The following SHROOM3 variants were observed in gnomAD, a reference collection of about 807,000 sequenced individuals.
SHROOM3 encodes the protein protein Shroom3.
A neutral mutation model predicts 138.6 loss-of-function variants in SHROOM3; 47 were observed. That is an observed-to-expected ratio of 0.34 (90% CI 0.27 to 0.43). The LOEUF is 0.43. SHROOM3 is among the 20% of genes least tolerant of loss of function. The pLI, the probability that SHROOM3 is intolerant of heterozygous loss-of-function variation, is 1.00. For synonymous variants in SHROOM3, 1,062 were observed against 1,063.3 expected, an observed-to-expected ratio of 1.00 and a Z score of 0.02; for missense variants, 2,491 against 2,596.5, an observed-to-expected ratio of 0.96 and a Z score of 0.88.
intron 1 of SHROOM3, among the ~76,000 whole-genome samples, chr4:76,442,656 A>G (rs1730719143): frequency 6.6e-6 from 1 of 151,694 alleles, no homozygotes. Context: ...TGATCCGCCC[A>G]CCTCGGCCTC....
intron 9 of SHROOM3, among the ~76,000 whole-genome samples, chr4:76,762,217 AACTG>A (rs1156523704): frequency 1.3e-5 from 2 of 152,222 alleles, no homozygotes; most frequent in African/African-American, 4.8e-5. Flanking sequence ...GGGTCAAATT[AACTG>A]ACATATATGA....
intron 2 of SHROOM3, among the ~76,000 whole-genome samples, chr4:76,614,134 C>T (rs973476775): frequency 6.6e-6 from 1 of 152,194 alleles, no homozygotes; most frequent in Non-Finnish European, 1.5e-5. Flanking sequence ...CGGCTCACTG[C>T]AAGCTCCGCC....
At chr4:76,761,521 G>C (rs533236847) in intron 9 of SHROOM3, among the ~76,000 whole-genome samples, 47 of 152,116 alleles carry the variant, frequency 3.1e-4, no homozygotes, top group Non-Finnish European at 1.6e-4. Flanking sequence ...AAGGGCTGGG[G>C]TCACACAGTT....
intron 2 of SHROOM3, among the ~76,000 whole-genome samples, chr4:76,649,446 T>C (rs530219881): frequency 6.6e-6 from 1 of 152,180 alleles, no homozygotes; most frequent in Non-Finnish European, 1.5e-5. Flanking sequence ...TAATGAAAAG[T>C]GGGGCAATGG....
chr4:76,497,174 C>T (rs761527905), intron 1 of SHROOM3, among the ~76,000 whole-genome samples: 1 of 152,224 alleles, frequency 6.6e-6, no homozygotes, highest in Non-Finnish European at 1.5e-5. Context: ...CTCACTTTAA[C>T]ATTGTATGAT....
chr4:76,587,791 A>T (rs1734184334), intron 2 of SHROOM3, among the ~76,000 whole-genome samples: 1 of 152,236 alleles, frequency 6.6e-6, no homozygotes, highest in Non-Finnish European at 1.5e-5. Flanking sequence ...TATAGTGTAT[A>T]TGCAAGTGAT....
intron 1 of SHROOM3, among the ~76,000 whole-genome samples, chr4:76,494,334 G>C (rs535679553): frequency 1.3e-5 from 2 of 152,304 alleles, no homozygotes; most frequent in African/African-American, 4.8e-5. Flanking sequence ...TAAAAGAATT[G>C]CACTAGGGTT....
intron 2 of SHROOM3, among the ~76,000 whole-genome samples, chr4:76,642,406 C>T (rs141442019): frequency 2.0e-5 from 3 of 152,192 alleles, no homozygotes; most frequent in East Asian, 1.9e-4. Context: ...TCAAAATAGA[C>T]GTGATTGGAT....
chr4:76,464,756 G>A (rs1731218131), intron 1 of SHROOM3, among the ~76,000 whole-genome samples: 1 of 152,176 alleles, frequency 6.6e-6, no homozygotes, highest in Non-Finnish European at 1.5e-5. Context: ...TTGAAAGTGT[G>A]TAGCACTTCC....
intron 2 of SHROOM3, among the ~76,000 whole-genome samples, chr4:76,682,033 T>G (rs1347716533): frequency 6.6e-6 from 1 of 152,186 alleles, no homozygotes; most frequent in Non-Finnish European, 1.5e-5. Flanking sequence ...CCACTTTCCC[T>G]CTGGCTCTCC....
chr4:76,568,734 G>A (rs1733778069), intron 2 of SHROOM3, among the ~76,000 whole-genome samples: 1 of 152,092 alleles, frequency 6.6e-6, no homozygotes, highest in South Asian at 2.1e-4. Context: ...ACTGGAATAG[G>A]TACTCTTTGC....
At chr4:76,537,099 C>T (rs551141842) in intron 1 of SHROOM3, among the ~76,000 whole-genome samples, 8 of 152,010 alleles carry the variant, frequency 5.3e-5, no homozygotes, top group South Asian at 2.1e-4. Context: ...GGTGACAGAG[C>T]GAGACTCCAT....
chr4:76,739,066 G>A lies in SHROOM3; in HGVS notation c.893G>A (p.Gly298Glu). 6.2e-7 allele frequency: 1 copy of A among 1,614,192 alleles called. No individual in the cohort carries two copies. Among genetic ancestry groups the A allele is most frequent in the Non-Finnish European group, 8.5e-7 (1 of 1,180,024 alleles). ...NTSARGGLLEGMRQADIRYVK... is the reference protein window; with the variant it reads ...NTSARGGLLEEMRQADIRYVK... ...TCTGCTCGAGGTGGCCTCCTCGAAG[G>A]GATGAGGCAGGCAGATATTCGCTAT... Residue 298 changes from glycine (G) to glutamate (E), a missense_variant, in exon 5 of 11, where the codon GGG becomes GAG. Gly to Glu is a moderately conservative substitution (Grantham distance 98). This residue lies in a region of SHROOM3 where 1,733 missense variants were observed against 1,661.6 expected (regional missense o/e 1.04). Coordinates refer to ENST00000296043, the MANE Select transcript of SHROOM3 (RefSeq NM_020859.4).
At chr4:76,444,264 T>A (rs1345873658) in intron 1 of SHROOM3, among the ~76,000 whole-genome samples, 1 of 151,368 alleles carries the variant, frequency 6.6e-6, no homozygotes, top group African/African-American at 2.4e-5. Context: ...TAATTTATAT[T>A]TGTAATTTCT....
chr4:76,436,700 A>G (rs979686777), intron 1 of SHROOM3, among the ~76,000 whole-genome samples: 44 of 152,248 alleles, frequency 2.9e-4, no homozygotes, highest in Admixed American at 9.2e-4. Flanking sequence ...AGAAAGGAGA[A>G]TTAAATCAGC....
chr4:76,661,761 A>AT (rs1485793040), intron 2 of SHROOM3, among the ~76,000 whole-genome samples: 4 of 152,088 alleles, frequency 2.6e-5, no homozygotes, highest in Non-Finnish European at 4.4e-5. Context: ...TTAATAGTTC[A>AT]TTGTTTATCC....
chr4:76,463,961 A>T (rs1731195908), intron 1 of SHROOM3, among the ~76,000 whole-genome samples: 1 of 152,248 alleles, frequency 6.6e-6, no homozygotes, highest in Non-Finnish European at 1.5e-5. Context: ...GAGAATCTCT[A>T]CTAGGGCAGT....
At chr4:76,768,095 G>A (rs1449375650) in intron 9 of SHROOM3, among the ~76,000 whole-genome samples, 2 of 152,176 alleles carry the variant, frequency 1.3e-5, no homozygotes, top group Admixed American at 1.3e-4. Flanking sequence ...CCTAGGAAAT[G>A]TACCCTTCGA....
At chr4:76,726,588 C>T (rs1424831599) in intron 3 of SHROOM3, among the ~76,000 whole-genome samples, 1 of 148,826 alleles carries the variant, frequency 6.7e-6, no homozygotes, top group East Asian at 2.0e-4. Flanking sequence ...TCTCTGGAAG[C>T]TGCAATGCAG....
Sources: gnomAD v4.1 joint callset for allele counts (sites outside exome capture counted in the v4.1 genomes callset) on GRCh38, gnomAD v4.1.1 for gene constraint, gnomAD v4.1.1 regional missense constraint, MANE v1.5 for transcripts, NCBI Gene and HGNC (gene_info 2026-07-23, HGNC 2026-07-21) for gene names.